The following ATXN2 variants were observed in gnomAD, a reference collection of about 807,000 sequenced individuals.
ATXN2 encodes ataxin-2.
Under a neutral mutation model 138.6 loss-of-function variants are expected in ATXN2, and 37 were observed. That is an observed-to-expected ratio of 0.27 (90% CI 0.21 to 0.35). ATXN2 has a LOEUF of 0.35. ATXN2 is among the 10% of genes least tolerant of loss of function. The pLI, the probability that ATXN2 is intolerant of heterozygous loss-of-function variation, is 1.00. For missense variants in ATXN2, 1,216 were observed against 1,480.3 expected, an observed-to-expected ratio of 0.82 and a Z score of 2.93; for synonymous variants, 549 against 543.7, an observed-to-expected ratio of 1.01 and a Z score of -0.13.
intron 1 of ATXN2, among the ~76,000 whole-genome samples, chr12:111,575,874 G>A (rs1478620914): frequency 6.6e-6 from 1 of 152,072 alleles, no homozygotes; most frequent in Non-Finnish European, 1.5e-5. Context: ...ATGAGGTCAG[G>A]AGTTCCAGAA....
intron 12 of ATXN2, among the ~76,000 whole-genome samples, 175 bp from the exon 13 acceptor site, chr12:111,510,173 A>G (rs1199781853): frequency 6.6e-6 from 1 of 152,188 alleles, no homozygotes; most frequent in African/African-American, 2.4e-5. Flanking sequence ...TTATGTAGGT[A>G]TTTGACACCC....
chr12:111,470,814 G>C, intron 18 of ATXN2, 72 bp from the exon 19 acceptor site: 1 of 1,502,688 alleles, frequency 6.7e-7, no homozygotes, highest in Non-Finnish European at 9.1e-7. Context: ...ACATGGTCTA[G>C]GAGGCTCTGA....
At chr12:111,551,518 G>GT (rs1436495592) in intron 5 of ATXN2, among the ~76,000 whole-genome samples, 1 of 151,986 alleles carries the variant, frequency 6.6e-6, no homozygotes, top group Non-Finnish European at 1.5e-5. Context: ...TTTAAAATAC[G>GT]TATGTTCTAC....
chr12:111,473,551 C>T (rs1245662599), intron 18 of ATXN2, among the ~76,000 whole-genome samples: 1 of 152,096 alleles, frequency 6.6e-6, no homozygotes, highest in African/African-American at 2.4e-5. Context: ...AAGAATGTCA[C>T]CATTTTACAA....
chr12:111,516,289 G>A lies in ATXN2; in HGVS notation c.1240C>T (p.Leu414Phe). 1 of 1,577,808 alleles carries A rather than the reference G, an allele frequency of 6.3e-7. No homozygotes were observed. The highest frequency in any genetic ancestry group is 8.6e-7 in the Non-Finnish European group (1 of 1,167,440). The stretch of plus-strand genomic sequence containing the variant: ...GTAGGGGTGGCTGCCCGAGGTGGAA[G>A]AGAGTTGGGACCTGACTGGTAGCGA... ...PSRYQSGPNS[L>F]PPRAATPTRP... Residue 414 changes from leucine (L) to phenylalanine (F), a missense_variant, in exon 10 of 25, where the codon CTT (leucine) becomes TTT (phenylalanine). Physicochemically the swap from Leu to Phe is conservative, Grantham distance 22. Around this residue, in one of 4 missense-constraint regions of ATXN2, gnomAD observed 401 missense variants for 528.1 expected, o/e 0.76. Transcript: ENST00000673436. The surrounding 1 kb of genome is among the most constrained non-coding windows in gnomAD (Gnocchi z 5.0).
intron 21 of ATXN2, among the ~76,000 whole-genome samples, chr12:111,464,312 G>A (rs1247540863): frequency 7.2e-6 from 1 of 138,816 alleles, no homozygotes; most frequent in East Asian, 2.1e-4. Flanking sequence ...TTTATACCAA[G>A]CTTGTGGCTT....
At chr12:111,523,802 C>T (rs1343643371) in intron 6 of ATXN2, among the ~76,000 whole-genome samples, 1 of 151,696 alleles carries the variant, frequency 6.6e-6, no homozygotes, top group Non-Finnish European at 1.5e-5. Flanking sequence ...ATGGCTCACA[C>T]CTGTAATCCC....
rs552977915 is a variant in ATXN2, at chr12:111,522,955, A to G, written c.697-1982T>C. Among the ~76,000 whole-genome samples the G allele has an allele frequency of 4.6e-5, 7 of 151,680 alleles. No homozygotes were observed. The East Asian group carries it at 1.4e-3, about 30-fold the overall frequency. ...GTGTAATTTCAGACATCTTCTAGGC[A>G]ATAAGAATATGAACAGCTCTTTAAA... On this transcript the variant is annotated intron_variant, in intron 6 of 24. Coordinates refer to ENST00000673436, the MANE Select transcript of ATXN2 (RefSeq NM_001372574.1).
At chr12:111,574,308 CA>C (rs997437123) in intron 1 of ATXN2, among the ~76,000 whole-genome samples, 3,018 of 32,646 alleles carry the variant, frequency 0.092, 23 homozygotes, top group African/African-American at 0.25. Flanking sequence ...ACTCTGTCTC[CA>C]AAAAAAAAAA....
At chr12:111,470,484 G>A (rs1876332104) in intron 19 of ATXN2, 74 bp downstream of exon 19, 2 of 1,530,598 alleles carry the variant, frequency 1.3e-6, no homozygotes, top group Admixed American at 3.7e-5. Flanking sequence ...AAATTATAAA[G>A]GAAAATCCCT....
At chr12:111,454,135 T>A (rs1874885117) in intron 23 of ATXN2, 1 of 264,748 alleles carries the variant, frequency 3.8e-6, no homozygotes, top group African/African-American at 2.2e-5. Flanking sequence ...GTATTCTATG[T>A]ATGGGGTAAG....
At chr12:111,530,136 C>T (rs1027657858) in intron 5 of ATXN2, among the ~76,000 whole-genome samples, 1 of 152,114 alleles carries the variant, frequency 6.6e-6, no homozygotes, top group African/African-American at 2.4e-5. Context: ...AATCTATATA[C>T]TATATAAAGT....
At chr12:111,572,119 G>T (rs1592914966) in intron 1 of ATXN2, among the ~76,000 whole-genome samples, 1 of 151,988 alleles carries the variant, frequency 6.6e-6, no homozygotes, top group African/African-American at 2.4e-5. Flanking sequence ...TTACTATCGG[G>T]CTGGGCACGG....
intron 11 of ATXN2, chr12:111,512,771 T>C (rs1406254700): frequency 6.6e-6 from 1 of 152,368 alleles, no homozygotes; most frequent in East Asian, 1.9e-4. Context: ...TTTATACTTT[T>C]ATAGCTGCTG....
rs758873477 is a variant in ATXN2, at chr12:111,485,309, G to A, written c.2480C>T (p.Thr827Met). The A allele has an allele frequency of 9.9e-6, 16 of 1,611,860 alleles. No homozygotes were observed. Among genetic ancestry groups the A allele is most frequent in the African/African-American group, 2.7e-5 (2 of 74,738 alleles). The change falls in exon 18 of 25, where the codon ACG becomes ATG. Residue 827 changes from threonine to methionine, a missense_variant. Physicochemically the swap from Thr to Met is moderately conservative, Grantham distance 81. This residue lies in a region of ATXN2 where 490 missense variants were observed against 653.5 expected (regional missense o/e 0.75). Coordinates refer to ENST00000673436, the MANE Select transcript of ATXN2 (RefSeq NM_001372574.1). ...GVQPLYPIPM[T>M]PMPVNQAKTY... ...CTTGGCTTGATTCACTGGCATGGGC[G>A]TCATAGGTATTGGGTATAAAGGCTT... is the stretch of plus-strand genomic sequence containing the variant.
At chr12:111,548,838 C>T (rs1307433878) in intron 5 of ATXN2, among the ~76,000 whole-genome samples, 2 of 152,150 alleles carry the variant, frequency 1.3e-5, no homozygotes, top group South Asian at 2.1e-4. Context: ...TCTGCCTCAG[C>T]CTCTCCCCAA....
chr12:111,566,658 T>TA (rs1376486681), intron 1 of ATXN2, among the ~76,000 whole-genome samples: 16 of 150,664 alleles, frequency 1.1e-4, no homozygotes, highest in African/African-American at 2.4e-4. Flanking sequence ...TTTTTTAAGA[T>TA]AGAGTTTCGC....
chr12:111,581,318 G>T, intron 1 of ATXN2: 1 of 517,762 alleles, frequency 1.9e-6, no homozygotes, highest in Non-Finnish European at 3.6e-6. Context: ...ACCAGGGAAA[G>T]GGAGGGGCCC....
At chr12:111,535,353 G>C (rs180846082) in intron 5 of ATXN2, among the ~76,000 whole-genome samples, 1 of 152,286 alleles carries the variant, frequency 6.6e-6, no homozygotes. Flanking sequence ...AGGGGGCCGC[G>C]GTGGCTCACG....
Sources: allele counts gnomAD v4.1 joint callset (sites outside exome capture counted in the v4.1 genomes callset), GRCh38; gene constraint gnomAD v4.1.1; regional missense constraint gnomAD v4.1.1; non-coding constraint Gnocchi (gnomAD v3.1); transcripts MANE v1.5; gene names NCBI Gene and HGNC (gene_info 2026-07-23, HGNC 2026-07-21).